DLGAP2: variants seen among roughly 807,000 people sequenced by gnomAD.
The protein encoded by DLGAP2 is DLG associated protein 2.
Under a neutral mutation model 100.3 loss-of-function variants are expected in DLGAP2, and 26 were observed. The observed-to-expected ratio is 0.26, with a 90% CI of 0.19 to 0.36. DLGAP2 has a LOEUF of 0.36. Ranked by LOEUF, DLGAP2 falls within the 10% of genes least tolerant of loss-of-function variation. DLGAP2 has a pLI of 1.00. For missense variants in DLGAP2, 1,858 were observed against 1,453.2 expected, an observed-to-expected ratio of 1.28 and a Z score of -4.53; for synonymous variants, 886 against 630.1, an observed-to-expected ratio of 1.41 and a Z score of -6.08.
At chr8:987,602 T>G (rs1800525291) in intron 2 of DLGAP2, among the ~76,000 whole-genome samples, 1 of 152,186 alleles carries the variant, frequency 6.6e-6, no homozygotes, top group Non-Finnish European at 1.5e-5. Context: ...ATAGACAAAC[T>G]GCTTATTTGT....
Position 1,430,015 on chromosome 8 carries a change from TATATATATATATACAC to T in DLGAP2, c.107-71349_107-71334del, listed in dbSNP as rs1217693295. ...AGAGATGCATATATATACATATATA[TATATATATATATACAC>T]ACACACACATATGAACTTAGAATTC... On this transcript the variant is annotated intron_variant, in intron 3 of 14. Coordinates refer to ENST00000637795, the MANE Select transcript of DLGAP2 (RefSeq NM_001346810.2). 1.5e-3 allele frequency among the ~76,000 whole-genome samples: 136 copies of T among 90,772 alleles called. 12 individuals are homozygous for T. The highest frequency in any genetic ancestry group is 5.9e-3 in the Admixed American group (49 of 8,246). The allele number at this position is 90,772 out of a possible 152,430, so 59.5% of individuals were successfully genotyped here. A position where few individuals can be genotyped will look rare whatever the true frequency, so the allele number is the denominator to read the frequency against.
At chr8:902,377 G>A (rs1220131882) in intron 1 of DLGAP2, among the ~76,000 whole-genome samples, 1 of 150,568 alleles carries the variant, frequency 6.6e-6, no homozygotes, top group Non-Finnish European at 1.5e-5. Context: ...GGCACTCCAA[G>A]GGCAGCCGGA....
At chr8:844,283 T>C (rs1272419641) in intron 1 of DLGAP2, among the ~76,000 whole-genome samples, 1 of 152,232 alleles carries the variant, frequency 6.6e-6, no homozygotes, top group East Asian at 1.9e-4. Flanking sequence ...AAAAGACATT[T>C]TTATTGAACT....
At chr8:1,113,006 A>T (rs191183455) in intron 2 of DLGAP2, among the ~76,000 whole-genome samples, 2 of 152,256 alleles carry the variant, frequency 1.3e-5, no homozygotes, top group East Asian at 3.9e-4. Context: ...CTAAGATCAG[A>T]TGGTTGCAGG....
At chr8:916,868 A>G (rs1330306424) in intron 2 of DLGAP2, among the ~76,000 whole-genome samples, 2 of 152,108 alleles carry the variant, frequency 1.3e-5, no homozygotes, top group Non-Finnish European at 2.9e-5. Context: ...TTGAGCTCCT[A>G]GAGAGCTGCG....
chr8:1,491,527 G>C (rs1799388682), intron 3 of DLGAP2, among the ~76,000 whole-genome samples: 1 of 152,246 alleles, frequency 6.6e-6, no homozygotes. Flanking sequence ...TGTCTTTAAA[G>C]TAGTGTTTCC....
At chr8:1,045,884 A>C (rs1271457268) in intron 2 of DLGAP2, among the ~76,000 whole-genome samples, 1 of 152,128 alleles carries the variant, frequency 6.6e-6, no homozygotes, top group African/African-American at 2.4e-5. Flanking sequence ...ATGTCTGCAC[A>C]AGGTTGGAAT....
At chr8:1,677,879 A>T (rs1413726535) in intron 11 of DLGAP2, among the ~76,000 whole-genome samples, 1 of 152,240 alleles carries the variant, frequency 6.6e-6, no homozygotes, top group East Asian at 1.9e-4. Flanking sequence ...TTGGCTGCAT[A>T]AGCTCGTAGC....
intron 2 of DLGAP2, among the ~76,000 whole-genome samples, chr8:1,045,847 A>G (rs1044140984): frequency 2.1e-4 from 32 of 152,346 alleles, no homozygotes; most frequent in African/African-American, 7.0e-4. Context: ...GTGACTCGCC[A>G]TAGGACGGCG....
intron 3 of DLGAP2, among the ~76,000 whole-genome samples, chr8:1,364,173 C>T (rs1219755812): frequency 1.3e-5 from 2 of 152,206 alleles, no homozygotes; most frequent in African/African-American, 4.8e-5. Context: ...TGACATGTTG[C>T]ATCGAGGAGC....
rs5888835 is a variant in DLGAP2 at position 1,491,391 on chromosome 8, CT to C, written c.107-9974del. On this transcript the variant is annotated intron_variant, in intron 3 of 14. Coordinates refer to ENST00000637795, the MANE Select transcript of DLGAP2 (RefSeq NM_001346810.2). ...CCCCGGAGGCTTCGGGCTGCTCCCC[CT>C]GACCTCGGAGGCTTCCGGCTGCTCC... Among the ~76,000 whole-genome samples, 184 of 37,512 alleles carry C rather than the reference CT, an allele frequency of 4.9e-3. 1 individual carries two copies. The highest frequency in any genetic ancestry group is 0.014 in the East Asian group (19 of 1,398). The allele number at this position is 37,512 out of a possible 152,430, so 24.6% of individuals were successfully genotyped here.
intron 3 of DLGAP2, among the ~76,000 whole-genome samples, chr8:1,262,743 C>T (rs1296342987): frequency 1.3e-5 from 2 of 152,202 alleles, no homozygotes; most frequent in Admixed American, 6.5e-5. Flanking sequence ...AATCCGTGTG[C>T]GATATAATCT....
At chr8:1,095,727 C>T (rs1196796236) in intron 2 of DLGAP2, among the ~76,000 whole-genome samples, 5 of 152,214 alleles carry the variant, frequency 3.3e-5, no homozygotes, top group Admixed American at 1.3e-4. Context: ...GAAAGCTCTA[C>T]TGAGGCTCTA....
chr8:1,527,607 A>G (rs1197150345), intron 4 of DLGAP2, among the ~76,000 whole-genome samples: 1 of 152,250 alleles, frequency 6.6e-6, no homozygotes, highest in Non-Finnish European at 1.5e-5. Context: ...TTCCTAAGGA[A>G]AGAAGAGAAC....
chr8:746,059 C>G (rs1050848061), intron 1 of DLGAP2, among the ~76,000 whole-genome samples: 1 of 152,224 alleles, frequency 6.6e-6, no homozygotes, highest in Non-Finnish European at 1.5e-5. Flanking sequence ...GGTGCCTGAA[C>G]TTCAGTGATG....
chr8:898,715 A>G (rs1391263163), intron 1 of DLGAP2, among the ~76,000 whole-genome samples: 5 of 152,128 alleles, frequency 3.3e-5, no homozygotes, highest in Non-Finnish European at 7.4e-5. Flanking sequence ...AAGGCCCTCC[A>G]TCTGCTCTTT....
chr8:1,098,583 G>A (rs544774050), intron 2 of DLGAP2, among the ~76,000 whole-genome samples: 5 of 145,456 alleles, frequency 3.4e-5, no homozygotes, highest in African/African-American at 1.0e-4. Context: ...CAGACGCCGC[G>A]ACCCACACCA....
intron 8 of DLGAP2, among the ~76,000 whole-genome samples, chr8:1,654,675 A>G (rs897772858): frequency 6.6e-6 from 1 of 152,070 alleles, no homozygotes; most frequent in Non-Finnish European, 1.5e-5. Context: ...AAAAAAAAAA[A>G]AAAAGAATTG....
Position 1,381,880 on chromosome 8 carries a change from A to C in DLGAP2, c.107-119486A>C, listed in dbSNP as rs1796105724. On this transcript the variant is annotated intron_variant, in intron 3 of 14. Coordinates refer to ENST00000637795, the MANE Select transcript of DLGAP2 (RefSeq NM_001346810.2). Reference sequence around the variant, plus strand: ...ATTCAGATAGGAATTCCATGTCTACACATTTACATTAAGGAAATATAAAAT... The same window carrying C: ...ATTCAGATAGGAATTCCATGTCTACCCATTTACATTAAGGAAATATAAAAT... Among the ~76,000 whole-genome samples the C allele has an allele frequency of 2.0e-5, 3 of 152,156 alleles. No homozygotes were observed. The South Asian group carries it at 6.2e-4, about 32-fold the overall frequency.
Sources: gnomAD v4.1 joint callset for allele counts (sites outside exome capture counted in the v4.1 genomes callset) on GRCh38, gnomAD v4.1.1 for gene constraint, MANE v1.5 for transcripts, NCBI Gene and HGNC (gene_info 2026-07-23, HGNC 2026-07-21) for gene names.